NUP98: variants seen among roughly 807,000 people sequenced by gnomAD.
NUP98 encodes the protein nucleoporin 98 and 96 precursor.
In NUP98, 26 loss-of-function variants were observed where a neutral mutation model predicts 191.9. That is an observed-to-expected ratio of 0.14 (90% CI 0.10 to 0.19). The LOEUF (loss-of-function observed/expected upper bound fraction) is 0.19, where lower values mean the gene tolerates loss of function less well. Among genes scored for constraint, NUP98 ranks in the 10% least tolerant of loss-of-function variants. The pLI is 1.00. For synonymous variants in NUP98, 808 were observed against 778.4 expected (o/e 1.04, Z -0.63); for missense variants, 1,941 against 2,178.8 (o/e 0.89, Z 2.17).
rs138004729 is a variant in NUP98 at position 3,748,977 on chromosome 11, A to T, written c.1268-4328T>A. On this transcript the variant is annotated intron_variant, in intron 11 of 32. Coordinates refer to ENST00000324932, the MANE Select transcript of NUP98 (RefSeq NM_016320.5). ...AAAAAAAAACAATTATATAACCAAA[A>T]AGAGTTAATATCCACAATACACAAA... Among the ~76,000 whole-genome samples the T allele has an allele frequency of 4.1e-3, 617 of 152,094 alleles. 2 individuals are homozygous for T. The highest frequency in any genetic ancestry group is 0.014 in the African/African-American group (580 of 41,560).
chr11:3,727,217 T>C (rs1028067547), intron 14 of NUP98, among the ~76,000 whole-genome samples: 3 of 152,120 alleles, frequency 2.0e-5, no homozygotes, highest in Non-Finnish European at 2.9e-5. Context: ...CACACACCTA[T>C]AGTCCCACGT....
At chr11:3,721,715 G>T (rs2079407725) in intron 16 of NUP98, among the ~76,000 whole-genome samples, 1 of 151,364 alleles carries the variant, frequency 6.6e-6, no homozygotes, top group Non-Finnish European at 1.5e-5. Flanking sequence ...GAGGGAGGGA[G>T]GAAGGAAGAA....
Position 3,721,968 on chromosome 11 carries a change from G to A in NUP98, c.2147-1143C>T, listed in dbSNP as rs1449605995. ...ACTTGTATACTTGCTTCTTGGGAAG[G>A]GAACTCTAAATTGGGTGGCAGCAAA... On this transcript the variant is annotated intron_variant, in intron 16 of 32. Coordinates refer to ENST00000324932, the MANE Select transcript of NUP98 (RefSeq NM_016320.5). Among the ~76,000 whole-genome samples, 3 of 151,936 alleles carry A rather than the reference G, an allele frequency of 2.0e-5. No individual in the cohort carries two copies. The East Asian group carries it at 5.8e-4, about 29-fold the overall frequency.
chr11:3,706,121 A>G (rs1478692704), intron 21 of NUP98, among the ~76,000 whole-genome samples: 1 of 152,068 alleles, frequency 6.6e-6, no homozygotes, highest in African/African-American at 2.4e-5. Flanking sequence ...GTGAACCAAG[A>G]TCACACCACT....
intron 14 of NUP98, among the ~76,000 whole-genome samples, chr11:3,727,767 T>C (rs879558458): frequency 2.6e-5 from 4 of 152,090 alleles, no homozygotes; most frequent in Admixed American, 2.0e-4. Flanking sequence ...CGTGCACTTA[T>C]AGTCCCAGCT....
At chr11:3,680,706 C>T (rs375035024) in intron 30 of NUP98, among the ~76,000 whole-genome samples, 8 of 152,082 alleles carry the variant, frequency 5.3e-5, no homozygotes, top group African/African-American at 1.4e-4. Context: ...CCACCAGGCC[C>T]GACTAATTTT....
chr11:3,698,384 T>C (rs2078576496), intron 25 of NUP98, among the ~76,000 whole-genome samples: 1 of 152,050 alleles, frequency 6.6e-6, no homozygotes, highest in Non-Finnish European at 1.5e-5. Context: ...AATATAAAAT[T>C]TAAATTTTAA....
At chr11:3,726,486 G>C (rs1185655036) in intron 14 of NUP98, among the ~76,000 whole-genome samples, 1 of 148,398 alleles carries the variant, frequency 6.7e-6, no homozygotes, top group Non-Finnish European at 1.5e-5. Flanking sequence ...TCAATGTTGG[G>C]AATGAAAAAG....
chr11:3,699,820 TAG>T (rs1564818350), intron 24 of NUP98, among the ~76,000 whole-genome samples: 1 of 152,186 alleles, frequency 6.6e-6, no homozygotes, highest in Non-Finnish European at 1.5e-5. Flanking sequence ...ACGTGTGGCA[TAG>T]GACATTCTAA....
At position 3,683,439 on chromosome 11, in the gene NUP98, ATG is replaced by A; in HGVS notation, c.4677_4678del (p.Ile1560ThrfsTer2). The A allele has an allele frequency of 6.2e-7, 1 of 1,614,112 alleles. No homozygotes were observed. Among genetic ancestry groups the A allele is most frequent in the Non-Finnish European group, 8.5e-7 (1 of 1,180,004 alleles). On this transcript the variant is annotated frameshift_variant and splice_region_variant, in exon 30 of 33. Transcript: ENST00000324932. LOFTEE classifies it high-confidence loss of function. ...CAGCTCTCGAACAGCCTTCTCACGTATGCTACAGGGAGAGATAAGCTAGAATA... is the reference window on the plus strand; with the variant it reads ...CAGCTCTCGAACAGCCTTCTCACGTACTACAGGGAGAGATAAGCTAGAATA...
intron 12 of NUP98, among the ~76,000 whole-genome samples, chr11:3,737,314 G>C (rs1241446017): frequency 9.1e-6 from 1 of 110,092 alleles, no homozygotes; most frequent in Non-Finnish European, 1.8e-5. Context: ...AACAAAAGCA[G>C]TAATAACAAA....
chr11:3,777,649 T>C (rs1310672324), intron 4 of NUP98, among the ~76,000 whole-genome samples: 1 of 146,874 alleles, frequency 6.8e-6, no homozygotes, highest in East Asian at 2.0e-4. Flanking sequence ...AAAGAAGTTA[T>C]ACATATGGTG....
chr11:3,768,295 C>G (rs989684512), intron 8 of NUP98, among the ~76,000 whole-genome samples: 1 of 151,874 alleles, frequency 6.6e-6, no homozygotes, highest in Non-Finnish European at 1.5e-5. Flanking sequence ...GTGGTGGACA[C>G]CTGTAGTCCC....
intron 1 of NUP98, among the ~76,000 whole-genome samples, chr11:3,790,520 G>A (rs190891233): frequency 1.3e-5 from 2 of 152,236 alleles, no homozygotes; most frequent in East Asian, 3.9e-4. Flanking sequence ...ATAAAACTAA[G>A]ACACTTTGCC....
At chr11:3,739,398 G>A (rs1379558245) in intron 12 of NUP98, among the ~76,000 whole-genome samples, 2 of 152,102 alleles carry the variant, frequency 1.3e-5, no homozygotes, top group African/African-American at 4.8e-5. Context: ...ACAGGTGCCT[G>A]CCGCCACGCC....
chr11:3,783,163 G>C (rs116033621), intron 1 of NUP98, among the ~76,000 whole-genome samples: 2 of 152,240 alleles, frequency 1.3e-5, no homozygotes, highest in African/African-American at 4.8e-5. Flanking sequence ...AGGCTGAAGC[G>C]GGCTGATTGC....
rs886537769 is a variant in NUP98 at position 3,713,884 on chromosome 11, T to G, written c.2511A>C (p.Ala837=). 1 of 1,614,088 alleles carries G rather than the reference T, an allele frequency of 6.2e-7. No homozygotes were observed. Among genetic ancestry groups the G allele is most frequent in the Non-Finnish European group, 8.5e-7 (1 of 1,180,030 alleles). The change falls in exon 19 of 33, where the codon GCA becomes GCC. Residue 837 remains alanine, a synonymous_variant. Coordinates refer to ENST00000324932, the MANE Select transcript of NUP98 (RefSeq NM_016320.5). Reference sequence around the variant, plus strand: ...ATTGAGCTCCCTGTTTCCTTGAAACTGCTTCCAATCTTCCTTCATAGTTGA... The same window carrying G: ...ATTGAGCTCCCTGTTTCCTTGAAACGGCTTCCAATCTTCCTTCATAGTTGA... ...ADINYEGRLE[A]VSRKQGAQFK... is the part of the protein sequence containing the mutation.
At chr11:3,702,398 T>A (rs1386251384) in intron 23 of NUP98, 65 bp downstream of exon 23, 2 of 1,185,558 alleles carry the variant, frequency 1.7e-6, no homozygotes, top group African/African-American at 3.1e-5. Flanking sequence ...GGCCCTATCC[T>A]CCTGATTAGT....
intron 1 of NUP98, among the ~76,000 whole-genome samples, chr11:3,792,882 G>A (rs1274401857): frequency 1.3e-5 from 2 of 152,092 alleles, no homozygotes; most frequent in Non-Finnish European, 2.9e-5. Context: ...ACTTTGGGAG[G>A]CCAAGGCAGG....
Sources: gnomAD v4.1 joint callset for allele counts (sites outside exome capture counted in the v4.1 genomes callset) on GRCh38, gnomAD v4.1.1 for gene constraint, MANE v1.5 for transcripts, NCBI Gene and HGNC (gene_info 2026-07-23, HGNC 2026-07-21) for gene names.